The following PGR variants were observed in gnomAD, a reference collection of about 807,000 sequenced individuals.
The protein encoded by PGR is progesterone receptor.
A neutral mutation model predicts 76.1 loss-of-function variants in PGR; 25 were observed. That is an observed-to-expected ratio of 0.33 (90% CI 0.24 to 0.46). The LOEUF is 0.46. Ranked by LOEUF, PGR falls within the 20% of genes least tolerant of loss-of-function variation. The pLI, the probability that PGR is intolerant of heterozygous loss-of-function variation, is 1.00. For missense variants in PGR, 1,172 were observed against 1,225.3 expected, an observed-to-expected ratio of 0.96 and a Z score of 0.65; for synonymous variants, 579 against 535.0, an observed-to-expected ratio of 1.08 and a Z score of -1.14.
chr11:101,091,341 C>T (rs1243161821), intron 3 of PGR, among the ~76,000 whole-genome samples: 1 of 152,170 alleles, frequency 6.6e-6, no homozygotes, highest in Non-Finnish European at 1.5e-5. Flanking sequence ...AGCAATGTAC[C>T]TGACCAATTT....
In PGR at chr11:101,035,099, T is replaced by C. The variant is rs995980280; in HGVS notation, c.*4017A>G. 2 of 208,716 alleles carry C rather than the reference T, an allele frequency of 9.6e-6. No individual in the cohort carries two copies. The highest frequency in any genetic ancestry group is 4.5e-5 in the African/African-American group (2 of 43,992). 12.9% of individuals were successfully genotyped at this position (208,716 alleles called of 1,614,324 possible). A position where few individuals can be genotyped will look rare whatever the true frequency, so the allele number is the denominator to read the frequency against. On this transcript the variant is annotated 3_prime_UTR_variant, in exon 8 of 8. Transcript: ENST00000325455. The stretch of plus-strand genomic sequence containing the variant: ...TTAAGAGATGTAGAAATTTCCCACA[T>C]CCAATGGCTATTGAACAGGCATACT...
At chr11:101,064,929 T>TA (rs144050598) in intron 3 of PGR, among the ~76,000 whole-genome samples, 270 of 152,314 alleles carry the variant, frequency 1.8e-3, no homozygotes, top group African/African-American at 6.1e-3. Context: ...GCCTACAAAA[T>TA]TCAACAGAGT....
chr11:101,115,815 T>G (rs1862487482), intron 2 of PGR, among the ~76,000 whole-genome samples: 1 of 151,956 alleles, frequency 6.6e-6, no homozygotes, highest in South Asian at 2.1e-4. Flanking sequence ...TTATAAAAAT[T>G]TTCAGGGCTG....
chr11:101,095,560 C>T (rs1002404910), intron 2 of PGR, among the ~76,000 whole-genome samples: 2 of 152,076 alleles, frequency 1.3e-5, no homozygotes, highest in African/African-American at 2.4e-5. Context: ...ATAACATGCT[C>T]AAGGTCACAC....
intron 2 of PGR, among the ~76,000 whole-genome samples, chr11:101,118,793 G>T (rs980740656): frequency 2.0e-5 from 3 of 152,068 alleles, no homozygotes; most frequent in Non-Finnish European, 2.9e-5. Context: ...TTATATGAGG[G>T]CCATCTAGCC....
At chr11:101,062,409 A>AT (rs1565338789) in intron 4 of PGR, 38 bp downstream of exon 4, 1 of 1,463,228 alleles carries the variant, frequency 6.8e-7, no homozygotes, top group Non-Finnish European at 9.6e-7. Flanking sequence ...AACATAGTAT[A>AT]TTTTTTATTA....
intron 2 of PGR, among the ~76,000 whole-genome samples, chr11:101,098,462 A>T (rs1861903031): frequency 6.6e-6 from 1 of 152,202 alleles, no homozygotes; most frequent in African/African-American, 2.4e-5. Context: ...TATGACCCAC[A>T]AGTCACGGGC....
chr11:101,121,211 C>A (rs867492310), intron 2 of PGR, among the ~76,000 whole-genome samples: 8 of 152,258 alleles, frequency 5.3e-5, no homozygotes, highest in Middle Eastern at 3.4e-3. Flanking sequence ...ATAGAGCAGA[C>A]TCTATTGGAG....
rs1859308205 is a variant in PGR, at chr11:101,030,259, C to T, written c.*8857G>A. 1 of 223,832 alleles carries T rather than the reference C, an allele frequency of 4.5e-6. No individual in the cohort carries two copies. The highest frequency in any genetic ancestry group is 8.9e-6 in the Non-Finnish European group (1 of 112,264). 13.9% of individuals were successfully genotyped at this position (223,832 alleles called of 1,614,324 possible). ...TACTAATAAGCAACGGGGTAGATAA[C>T]TTTGAAGATTGCATCAACTTCAACA... On this transcript the variant is annotated 3_prime_UTR_variant, in exon 8 of 8. Transcript: ENST00000325455.
At chr11:101,110,468 G>A (rs1423210546) in intron 2 of PGR, among the ~76,000 whole-genome samples, 1 of 152,104 alleles carries the variant, frequency 6.6e-6, no homozygotes, top group Non-Finnish European at 1.5e-5. Context: ...CAAAAGAACT[G>A]GAATTAGAAG....
Position 101,034,119 on chromosome 11 carries a change from ATCGGTTAAAGCTTTC to A in PGR, c.*4982_*4996del, listed in dbSNP as rs1859435221. 1.7e-5 allele frequency: 4 copies of A among 230,552 alleles called. No individual in the cohort carries two copies. Among genetic ancestry groups the A allele is most frequent in the African/African-American group, 8.8e-5 (4 of 45,230 alleles). The allele number at this position is 230,552 out of a possible 1,614,324, so 14.3% of individuals were successfully genotyped here. A position where few individuals can be genotyped will look rare whatever the true frequency, so the allele number is the denominator to read the frequency against. On this transcript the variant is annotated 3_prime_UTR_variant, in exon 8 of 8. Coordinates refer to ENST00000325455, the MANE Select transcript of PGR (RefSeq NM_000926.4). Reference sequence around the variant, plus strand: ...ATTCACATTTCTCTAAAAATGCTTTATCGGTTAAAGCTTTCAACCAGCTTAAAAATAATGCCTCTC... The same window carrying A: ...ATTCACATTTCTCTAAAAATGCTTTAAACCAGCTTAAAAATAATGCCTCTC...
Position 101,033,590 on chromosome 11 carries a change from T to C in PGR, c.*5526A>G, listed in dbSNP as rs915220067. ...TATTCATGCTGCTCAGCAGCTTTCA[T>C]TGATATGTCTTTGAATAACAAAACA... On this transcript the variant is annotated 3_prime_UTR_variant, in exon 8 of 8. Transcript: ENST00000325455. 6.6e-5 allele frequency: 13 copies of C among 196,364 alleles called. No individual in the cohort carries two copies. Among genetic ancestry groups the C allele is most frequent in the Admixed American group, 3.0e-4 (5 of 16,514 alleles). The allele number at this position is 196,364 out of a possible 1,614,324, so 12.2% of individuals were successfully genotyped here.
intron 3 of PGR, 158 bp from the exon 4 acceptor site, chr11:101,062,910 A>G (rs1860567602): frequency 8.8e-6 from 5 of 569,148 alleles, no homozygotes; most frequent in Non-Finnish European, 1.5e-5. Flanking sequence ...ATTACAAAAA[A>G]TAAATTAAAA....
At position 101,032,302 on chromosome 11, in the gene PGR, G is replaced by C. The variant is rs945610417; in HGVS notation, c.*6814C>G. 1.3e-5 allele frequency: 3 copies of C among 232,720 alleles called. No homozygotes were observed. Among genetic ancestry groups the C allele is most frequent in the African/African-American group, 2.2e-5 (1 of 45,302 alleles). 14.4% of individuals were successfully genotyped at this position (232,720 alleles called of 1,614,324 possible). A position where few individuals can be genotyped will look rare whatever the true frequency, so the allele number is the denominator to read the frequency against. ...AAAATAGTGCAACTTCCTCAAAAAT[G>C]TTCTCCCTGCTTCCAGGATTAGTCA... On this transcript the variant is annotated 3_prime_UTR_variant, in exon 8 of 8. Coordinates refer to ENST00000325455, the MANE Select transcript of PGR (RefSeq NM_000926.4).
At chr11:101,082,260 A>G in intron 3 of PGR, among the ~76,000 whole-genome samples, 1 of 152,336 alleles carries the variant, frequency 6.6e-6, no homozygotes, top group East Asian at 1.9e-4. Flanking sequence ...TGAGTCAGTT[A>G]AAGTTCTTTT....
intron 3 of PGR, among the ~76,000 whole-genome samples, chr11:101,089,680 T>TGAGGGAGAA (rs1304972547): frequency 1.1e-4 from 14 of 133,112 alleles, no homozygotes; most frequent in African/African-American, 3.8e-4. Context: ...AGAAAGCGAT[T>TGAGGGAGAA]GAGGGAGAAG....
In PGR at chr11:101,032,108, A is replaced by G. The variant is rs1279833187; in HGVS notation, c.*7008T>C. 1 of 232,774 alleles carries G rather than the reference A, an allele frequency of 4.3e-6. No individual in the cohort carries two copies. Among genetic ancestry groups the G allele is most frequent in the Non-Finnish European group, 8.5e-6 (1 of 117,854 alleles). The allele number at this position is 232,774 out of a possible 1,614,324, so 14.4% of individuals were successfully genotyped here. ...ATTTGTAATTTCAACACATAAGCAA[A>G]ATAATTAGACATCTGGCCTTGTGTT... On this transcript the variant is annotated 3_prime_UTR_variant, in exon 8 of 8. Transcript: ENST00000325455.
intron 2 of PGR, among the ~76,000 whole-genome samples, chr11:101,110,108 T>A (rs1468102697): frequency 6.6e-6 from 1 of 152,134 alleles, no homozygotes; most frequent in Non-Finnish European, 1.5e-5. Context: ...CTGATGGAAA[T>A]GTACAAGAAG....
chr11:101,127,768 C>T lies in PGR; in HGVS notation c.1303G>A (p.Gly435Arg), dbSNP rs781055805. Residue 435 changes from glycine to arginine, a missense_variant, in exon 1 of 8, where the codon GGG becomes AGG. Physicochemically the swap from Gly to Arg is moderately radical, Grantham distance 125. Around this residue, in one of 4 missense-constraint regions of PGR, gnomAD observed 893 missense variants for 785.9 expected, o/e 1.14. Coordinates refer to ENST00000325455, the MANE Select transcript of PGR (RefSeq NM_000926.4). ...GGTGCGGCCGTCACCGCCGCTTCCC[C>T]GGGTCTGGATGGGGTCGCTCGCGGC... ...LPPRATPSRP[G>R]EAAVTAAPAS... 1.9e-6 allele frequency: 3 copies of T among 1,562,514 alleles called. No homozygotes were observed. The East Asian group carries it at 7.0e-5, about 36-fold the overall frequency.
Sources: allele counts gnomAD v4.1 joint callset (sites outside exome capture counted in the v4.1 genomes callset), GRCh38; gene constraint gnomAD v4.1.1; regional missense constraint gnomAD v4.1.1; transcripts MANE v1.5; gene names NCBI Gene and HGNC (gene_info 2026-07-23, HGNC 2026-07-21).